The following ELMO2 variants were observed in gnomAD, a reference collection of about 807,000 sequenced individuals.
ELMO2 encodes the protein engulfment and cell motility protein 2.
ELMO2 carries 37 observed loss-of-function variants against 96.2 expected under a neutral mutation model. The observed-to-expected ratio is 0.38, with a 90% CI of 0.30 to 0.51. ELMO2 has a LOEUF of 0.51. ELMO2 is among the 20% of genes least tolerant of loss of function. ELMO2 has a pLI of 0.88. For synonymous variants in ELMO2, 315 were observed against 329.4 expected (o/e 0.96, Z 0.47); for missense variants, 561 against 912.6 (o/e 0.61, Z 4.96).
Position 46,375,085 on chromosome 20 carries a change from G to A in ELMO2, c.1065+151C>T. 1 of 1,116,602 alleles carries A rather than the reference G, an allele frequency of 9.0e-7. No individual in the cohort carries two copies. Among genetic ancestry groups the A allele is most frequent in the Admixed American group, 2.5e-5 (1 of 39,486 alleles). The allele number at this position is 1,116,602 out of a possible 1,614,324, so 69.2% of individuals were successfully genotyped here. A position where few individuals can be genotyped will look rare whatever the true frequency, so the allele number is the denominator to read the frequency against. On this transcript the variant is annotated intron_variant, in intron 13 of 21. Coordinates refer to ENST00000290246, the MANE Select transcript of ELMO2 (RefSeq NM_133171.5). The surrounding 1 kb of genome is among the most constrained non-coding windows in gnomAD (Gnocchi z 4.6). ...AACTCACAGACTCACCATCAACAAA[G>A]CAAAGCAAGCATTAAAGCTCCACCA... is the stretch of plus-strand genomic sequence containing the variant.
intron 1 of ELMO2, among the ~76,000 whole-genome samples, chr20:46,401,901 T>C (rs906540660): frequency 1.3e-5 from 2 of 152,202 alleles, no homozygotes; most frequent in Admixed American, 6.5e-5. Context: ...CATACCTTCC[T>C]GATCCTACTG....
intron 20 of ELMO2, 21 bp from the exon 21 acceptor site, chr20:46,368,989 A>G (rs1323551836): frequency 6.2e-7 from 1 of 1,612,658 alleles, no homozygotes; most frequent in Non-Finnish European, 8.5e-7. Context: ...AAGGGTTTAA[A>G]TTAGAGCGAT....
chr20:46,403,608 C>T (rs2060371431), intron 1 of ELMO2, among the ~76,000 whole-genome samples: 1 of 152,238 alleles, frequency 6.6e-6, no homozygotes. Context: ...CTGATTCTGG[C>T]TCTTCATTAC....
intron 10 of ELMO2, among the ~76,000 whole-genome samples, 168 bp from the exon 11 acceptor site, chr20:46,380,471 T>G (rs2059936275): frequency 6.6e-6 from 1 of 152,266 alleles, no homozygotes; most frequent in Non-Finnish European, 1.5e-5. Context: ...CCATCAGATG[T>G]ATTTTACACT....
intron 4 of ELMO2, 29 bp from the exon 5 acceptor site, chr20:46,393,630 C>T (rs1194696728): frequency 1.2e-6 from 2 of 1,608,368 alleles, no homozygotes; most frequent in Admixed American, 3.3e-5. Flanking sequence ...GTATATCCCA[C>T]TTGGCCACTC....
chr20:46,396,106 C>A (rs1406193504), intron 2 of ELMO2, among the ~76,000 whole-genome samples: 2 of 152,248 alleles, frequency 1.3e-5, no homozygotes, highest in Non-Finnish European at 2.9e-5. Flanking sequence ...ATAACTTCTG[C>A]AGCTCATGGC....
At chr20:46,397,532 T>C (rs1482271708) in intron 2 of ELMO2, among the ~76,000 whole-genome samples, 1 of 152,094 alleles carries the variant, frequency 6.6e-6, no homozygotes. Context: ...TAGCCAGGCA[T>C]GATGGTGGGC....
At chr20:46,376,600 A>G (rs983783763) in intron 11 of ELMO2, 16 of 1,287,204 alleles carry the variant, frequency 1.2e-5, no homozygotes, top group East Asian at 5.6e-5. Context: ...TAGCTGATCA[A>G]CCCTTGATTA....
intron 13 of ELMO2, among the ~76,000 whole-genome samples, 174 bp from the exon 14 acceptor site, chr20:46,374,814 C>T (rs765135809): frequency 2.0e-5 from 3 of 152,306 alleles, no homozygotes; most frequent in African/African-American, 4.8e-5. Flanking sequence ...GAGTGCTGGA[C>T]GGTGGCTGCC....
chr20:46,368,818 T>C (rs2059635967), intron 21 of ELMO2, 73 bp downstream of exon 21: 2 of 1,543,938 alleles, frequency 1.3e-6, no homozygotes, highest in African/African-American at 1.4e-5. Context: ...CTTTCCTGTT[T>C]TGCTCATTCC....
chr20:46,386,949 T>C (rs1483134319), intron 8 of ELMO2, among the ~76,000 whole-genome samples: 2 of 152,204 alleles, frequency 1.3e-5, no homozygotes, highest in Non-Finnish European at 2.9e-5. Context: ...CCTTGCAGAT[T>C]TGTAAATAGA....
At chr20:46,383,625 T>G in intron 9 of ELMO2, 131 bp from the exon 10 acceptor site, 1 of 882,526 alleles carries the variant, frequency 1.1e-6, no homozygotes, top group Non-Finnish European at 1.8e-6. Context: ...CTCAAAAGCA[T>G]TCAAAGTGGG....
rs1418526991 is a variant in ELMO2 at position 46,371,252 on chromosome 20, A to T, written c.1801+100T>A. 10 of 1,178,778 alleles carry T rather than the reference A, an allele frequency of 8.5e-6. No individual in the cohort carries two copies. The highest frequency in any genetic ancestry group is 1.1e-5 in the Non-Finnish European group (9 of 809,508). The allele number at this position is 1,178,778 out of a possible 1,614,324, so 73.0% of individuals were successfully genotyped here. A position where few individuals can be genotyped will look rare whatever the true frequency, so the allele number is the denominator to read the frequency against. On this transcript the variant is annotated intron_variant, in intron 19 of 21. Transcript: ENST00000290246. The surrounding 1 kb of genome is among the most constrained non-coding windows in gnomAD (Gnocchi z 5.9). The stretch of plus-strand genomic sequence containing the variant: ...AAGGAAACAGGTCCAGAGAGGTAAC[A>T]GGTACAAGCCCAGATGATCAGCTAC...
intron 13 of ELMO2, 54 bp from the exon 14 acceptor site, chr20:46,374,694 G>T: frequency 6.7e-7 from 1 of 1,495,690 alleles, no homozygotes; most frequent in Non-Finnish European, 9.3e-7. Flanking sequence ...TGTATGCAGG[G>T]ACCTGAGGGG....
rs149899705 is a variant in ELMO2 at position 46,403,821 on chromosome 20, C to G, written c.-126+2727G>C. Among the ~76,000 whole-genome samples, 78 of 152,310 alleles carry G rather than the reference C, an allele frequency of 5.1e-4. 1 individual carries two copies. In the East Asian group the frequency reaches 0.014, roughly 27 times the overall value. ...GCTGTAGGCCGGGCGCCGTGGCTCA[C>G]GCCTGTAATCTCAGAACTTTGGGAG... is the stretch of plus-strand genomic sequence containing the variant. On this transcript the variant is annotated intron_variant, in intron 1 of 21. Coordinates refer to ENST00000290246, the MANE Select transcript of ELMO2 (RefSeq NM_133171.5).
In ELMO2 at chr20:46,374,644, G is replaced by A. The variant is rs776529751; in HGVS notation, c.1066-4C>T. The A allele has an allele frequency of 1.2e-6, 2 of 1,613,720 alleles. No individual in the cohort carries two copies. Among genetic ancestry groups the A allele is most frequent in the Non-Finnish European group, 1.7e-6 (2 of 1,179,766 alleles). ...CCATGGCTGGATTGATGTGGTTCTA[G>A]AGAAATAAAGACACCCAATTTGAGA... On this transcript the variant is annotated splice_polypyrimidine_tract_variant and splice_region_variant and intron_variant, in intron 13 of 21. Transcript: ENST00000290246.
rs1351259168 is a variant in ELMO2, at chr20:46,386,048, G to T, written c.677+76C>A. 110 of 1,516,298 alleles carry T rather than the reference G, an allele frequency of 7.3e-5. No individual in the cohort carries two copies. In the East Asian group the frequency reaches 2.4e-3, roughly 33 times the overall value. The allele number at this position is 1,516,298 out of a possible 1,614,324, so 93.9% of individuals were successfully genotyped here. A position where few individuals can be genotyped will look rare whatever the true frequency, so the allele number is the denominator to read the frequency against. On this transcript the variant is annotated intron_variant, in intron 9 of 21. Coordinates refer to ENST00000290246, the MANE Select transcript of ELMO2 (RefSeq NM_133171.5). ...TTGGAATATAAGCAAAGGAGAGTAG[G>T]ATTGGAAGACTTAAAATAAGAGGAG... is the stretch of plus-strand genomic sequence containing the variant.
At chr20:46,386,390 C>G in intron 8 of ELMO2, 115 bp from the exon 9 acceptor site, 1 of 1,418,174 alleles carries the variant, frequency 7.1e-7, no homozygotes, top group South Asian at 1.3e-5. Context: ...GCAGCTGTTG[C>G]TAGGTGGATA....
At chr20:46,379,143 A>G (rs2059912436) in intron 11 of ELMO2, among the ~76,000 whole-genome samples, 1 of 151,886 alleles carries the variant, frequency 6.6e-6, no homozygotes. Flanking sequence ...ACAGGCGCCT[A>G]TCACCACGCC....
Sources: gnomAD v4.1 joint callset for allele counts (sites outside exome capture counted in the v4.1 genomes callset) on GRCh38, gnomAD v4.1.1 for gene constraint, Gnocchi (gnomAD v3.1) non-coding constraint, MANE v1.5 for transcripts, NCBI Gene and HGNC (gene_info 2026-07-23, HGNC 2026-07-21) for gene names.